The following DOCK8 variants were observed in gnomAD, a reference collection of about 807,000 sequenced individuals.
DOCK8 encodes the protein dedicator of cytokinesis 8.
DOCK8 carries 141 observed loss-of-function variants against 245.6 expected under a neutral mutation model. That is an observed-to-expected ratio of 0.57 (90% confidence interval 0.50 to 0.66). The LOEUF (loss-of-function observed/expected upper bound fraction) is 0.66. Ranked by LOEUF, DOCK8 falls within the 30% of genes least tolerant of loss-of-function variation. The pLI is 0.00. For missense variants in DOCK8, 2,965 were observed against 2,603.4 expected, an observed-to-expected ratio of 1.14 and a Z score of -3.02; for synonymous variants, 1,168 against 970.2, an observed-to-expected ratio of 1.20 and a Z score of -3.79.
At chr9:284,850 C>T (rs964910342) in intron 2 of DOCK8, among the ~76,000 whole-genome samples, 1 of 152,110 alleles carries the variant, frequency 6.6e-6, no homozygotes, top group Non-Finnish European at 1.5e-5. Context: ...AATAGAAAAC[C>T]AAATGCTGCA....
chr9:397,790 A>C (rs1219972174), intron 25 of DOCK8, among the ~76,000 whole-genome samples: 1 of 152,196 alleles, frequency 6.6e-6, no homozygotes, highest in Non-Finnish European at 1.5e-5. Flanking sequence ...CCCATTCTCA[A>C]ATGGTTCAGA....
chr9:398,486 C>A (rs1023575299), intron 25 of DOCK8, among the ~76,000 whole-genome samples: 1 of 152,090 alleles, frequency 6.6e-6, no homozygotes, highest in African/African-American at 2.4e-5. Context: ...AAACTGAATC[C>A]CAGATTGCTC....
chr9:297,296 A>G (rs1227050116), intron 4 of DOCK8, among the ~76,000 whole-genome samples: 1 of 152,206 alleles, frequency 6.6e-6, no homozygotes, highest in African/African-American at 2.4e-5. Flanking sequence ...CTCTTAGTAC[A>G]TTAAGGAGCC....
chr9:349,811 T>C (rs1466209425), intron 14 of DOCK8, among the ~76,000 whole-genome samples: 1 of 152,240 alleles, frequency 6.6e-6, no homozygotes, highest in Non-Finnish European at 1.5e-5. Flanking sequence ...TCTCTGAATT[T>C]TTCTCAGAAG....
intron 14 of DOCK8, among the ~76,000 whole-genome samples, chr9:366,816 G>A (rs185762718): frequency 6.6e-6 from 1 of 152,202 alleles, no homozygotes; most frequent in East Asian, 1.9e-4. Context: ...GGGCTCTGTG[G>A]GACAGGCTGG....
intron 3 of DOCK8, among the ~76,000 whole-genome samples, chr9:288,385 C>G (rs1306607401): frequency 6.6e-6 from 1 of 152,142 alleles, no homozygotes; most frequent in Non-Finnish European, 1.5e-5. Context: ...CCCTGCTCCA[C>G]CACTTGCTGT....
At chr9:305,688 T>A (rs574849311) in intron 5 of DOCK8, among the ~76,000 whole-genome samples, 1 of 152,252 alleles carries the variant, frequency 6.6e-6, no homozygotes, top group Non-Finnish European at 1.5e-5. Context: ...ATTTTTTAAA[T>A]GCCTGGGGTC....
intron 1 of DOCK8, among the ~76,000 whole-genome samples, chr9:259,738 G>A (rs2047870553): frequency 6.6e-6 from 1 of 152,200 alleles, no homozygotes; most frequent in Non-Finnish European, 1.5e-5. Flanking sequence ...TTAATGGCCA[G>A]AAGTATACCT....
Position 414,655 on chromosome 9 carries a change from C to T in DOCK8, c.3531-127C>T. On this transcript the variant is annotated intron_variant, in intron 28 of 47. Transcript: ENST00000432829. The stretch of plus-strand genomic sequence containing the variant: ...GTTTCTGGATTCTATGTAGTTCTAT[C>T]CTATATTGCTTGGTTTTCACAGTCA... 3 of 1,126,014 alleles carry T rather than the reference C, an allele frequency of 2.7e-6. No homozygotes were observed. In the Admixed American group the frequency reaches 5.1e-5, roughly 19 times the overall value. 69.8% of individuals were successfully genotyped at this position (1,126,014 alleles called of 1,614,324 possible).
chr9:268,060 C>G (rs1289971647), intron 1 of DOCK8: 1 of 152,216 alleles, frequency 6.6e-6, no homozygotes, highest in Non-Finnish European at 1.5e-5. Context: ...CACAGCTTGA[C>G]CAACATGAAA....
rs143819451 is a variant in DOCK8, at chr9:406,470, G to C, written c.3391-460G>C. 8.7e-4 allele frequency among the ~76,000 whole-genome samples: 123 copies of C among 141,246 alleles called. 3 individuals are homozygous for C. The East Asian group carries it at 0.024, about 28-fold the overall frequency. The allele number at this position is 141,246 out of a possible 152,430, so 92.7% of individuals were successfully genotyped here. A position where few individuals can be genotyped will look rare whatever the true frequency, so the allele number is the denominator to read the frequency against. ...CCACTGCAATCCAGCCTGGGTAACA[G>C]AGTGACACTCTGTCTTTCAAAAAAA... On this transcript the variant is annotated intron_variant, in intron 27 of 47. Transcript: ENST00000432829.
intron 45 of DOCK8, among the ~76,000 whole-genome samples, chr9:450,798 A>G (rs2057404163): frequency 6.6e-6 from 1 of 151,480 alleles, no homozygotes; most frequent in Admixed American, 6.6e-5. Flanking sequence ...TTCCAAGCCC[A>G]CAACCATGGT....
chr9:415,043 G>C, intron 29 of DOCK8, 92 bp downstream of exon 29: 2 of 1,513,308 alleles, frequency 1.3e-6, no homozygotes, highest in South Asian at 1.1e-5. Flanking sequence ...TTCCAGTGCT[G>C]ATATGTTCAT....
At chr9:296,302 A>G (rs918294729) in intron 4 of DOCK8, among the ~76,000 whole-genome samples, 1 of 152,134 alleles carries the variant, frequency 6.6e-6, no homozygotes, top group Non-Finnish European at 1.5e-5. Context: ...TTCTTCTGTC[A>G]TTTTCTCTAA....
intron 1 of DOCK8, among the ~76,000 whole-genome samples, chr9:233,949 C>G (rs553666467): frequency 6.6e-6 from 1 of 152,178 alleles, no homozygotes; most frequent in South Asian, 2.1e-4. Flanking sequence ...ATGATGTTAG[C>G]TGGTTATTTT....
intron 4 of DOCK8, among the ~76,000 whole-genome samples, chr9:299,640 T>C (rs1164942782): frequency 2.6e-5 from 4 of 151,996 alleles, no homozygotes; most frequent in Non-Finnish European, 4.4e-5. Context: ...ATTTTTTTTT[T>C]CATTTCCCCA....
chr9:435,020 G>C, intron 39 of DOCK8, 45 bp downstream of exon 39: 1 of 1,604,318 alleles, frequency 6.2e-7, no homozygotes, highest in African/African-American at 1.3e-5. Flanking sequence ...GTTCTCAACT[G>C]GGGCGATTTT....
chr9:405,083 G>T lies in DOCK8; in HGVS notation c.3390+10G>T. ...TTCCATATCTTCCCAGGTAATAAAA[G>T]AATTATTTAACTAAAAGAATTATTC... On this transcript the variant is annotated intron_variant, in intron 27 of 47. Coordinates refer to ENST00000432829, the MANE Select transcript of DOCK8 (RefSeq NM_203447.4). 1 of 1,609,324 alleles carries T rather than the reference G, an allele frequency of 6.2e-7. No homozygotes were observed. Among genetic ancestry groups the T allele is most frequent in the Non-Finnish European group, 8.5e-7 (1 of 1,176,550 alleles).
At chr9:442,159 G>T in intron 42 of DOCK8, 150 bp downstream of exon 42, 2 of 1,089,600 alleles carry the variant, frequency 1.8e-6, no homozygotes, top group South Asian at 2.8e-5. Context: ...AAAAGGCAAA[G>T]TAGAAAGGTA....
Sources: allele counts gnomAD v4.1 joint callset (sites outside exome capture counted in the v4.1 genomes callset), GRCh38; gene constraint gnomAD v4.1.1; transcripts MANE v1.5; gene names NCBI Gene and HGNC (gene_info 2026-07-23, HGNC 2026-07-21).